CAPN12: variants seen among roughly 807,000 people sequenced by gnomAD.
The protein encoded by CAPN12 is calpain 12, also known as calpain-12.
CAPN12 carries 107 observed loss-of-function variants against 95.0 expected under a neutral mutation model. The ratio of observed to expected loss-of-function variants is 1.13; its 90% confidence interval spans 0.96 to 1.32. CAPN12 has a LOEUF of 1.32. Ranked by LOEUF, CAPN12 falls within the 40% of genes most tolerant of loss-of-function variation. CAPN12 has a pLI of 0.00. For missense variants in CAPN12, 1,136 were observed against 997.8 expected (o/e 1.14, Z -1.87); for synonymous variants, 505 against 415.5 (o/e 1.22, Z -2.62).
Position 38,730,789 on chromosome 19 carries a change from C to CTTG in CAPN12, c.*62_*63insCAA. On this transcript the variant is annotated 3_prime_UTR_variant, in exon 21 of 21. Coordinates refer to ENST00000328867, the MANE Select transcript of CAPN12 (RefSeq NM_144691.4). Reference sequence around the variant, plus strand: ...AGAGTGGCACCCATGCCAGGCAAGGCCTAGGGAGGTGGTCTTGCTCAGCAA... The same window carrying CTTG: ...AGAGTGGCACCCATGCCAGGCAAGGCTTGCTAGGGAGGTGGTCTTGCTCAGCAA... The CTTG allele has an allele frequency of 6.5e-7, 1 of 1,542,996 alleles. No individual in the cohort carries two copies. The highest frequency in any genetic ancestry group is 8.8e-7 in the Non-Finnish European group (1 of 1,141,472).
intron 4 of CAPN12, among the ~76,000 whole-genome samples, chr19:38,741,180 G>A (rs772969508): frequency 6.6e-6 from 1 of 152,110 alleles, no homozygotes; most frequent in Non-Finnish European, 1.5e-5. Flanking sequence ...GTGAATCCAG[G>A]GCCTGATATA....
chr19:38,742,810 C>CACT (rs1378087726), intron 2 of CAPN12, among the ~76,000 whole-genome samples: 3 of 126,624 alleles, frequency 2.4e-5, no homozygotes, highest in Non-Finnish European at 3.2e-5. Flanking sequence ...ATGATGGTGC[C>CACT]ACTGTATTCC....
chr19:38,740,265 C>T, intron 4 of CAPN12, 46 bp from the exon 5 acceptor site: 1 of 1,515,612 alleles, frequency 6.6e-7, no homozygotes, highest in Non-Finnish European at 8.9e-7. Context: ...GTACAAGCGT[C>T]TCAGGCACCC....
intron 18 of CAPN12, among the ~76,000 whole-genome samples, chr19:38,732,289 C>CT (rs962679713): frequency 2.1e-4 from 32 of 152,344 alleles, no homozygotes; most frequent in African/African-American, 7.5e-4. Flanking sequence ...TCTCCCAATC[C>CT]TTGGCTGTCT....
chr19:38,736,406 A>C, intron 11 of CAPN12, 88 bp from the exon 12 acceptor site: 1 of 1,504,888 alleles, frequency 6.6e-7, no homozygotes, highest in South Asian at 1.2e-5. Context: ...CACCCTGCCT[A>C]ACCCCTGTCC....
intron 17 of CAPN12, 144 bp from the exon 18 acceptor site, chr19:38,733,925 ACTT>A (rs1239493535): frequency 1.2e-6 from 1 of 803,548 alleles, no homozygotes; most frequent in Non-Finnish European, 2.0e-6. Flanking sequence ...GCCACTTGGG[ACTT>A]CTGTTTCCCA....
At chr19:38,733,969 C>T (rs1028325416) in intron 17 of CAPN12, 173 bp downstream of exon 17, 21 of 812,922 alleles carry the variant, frequency 2.6e-5, no homozygotes, top group East Asian at 2.7e-5. Context: ...AGCAATGACC[C>T]AGAGGACAAG....
intron 18 of CAPN12, among the ~76,000 whole-genome samples, chr19:38,731,742 C>A (rs898443962): frequency 6.6e-6 from 1 of 152,226 alleles, no homozygotes; most frequent in East Asian, 1.9e-4. Context: ...CTTTGTCTCC[C>A]ACACGGCCAG....
Position 38,743,064 on chromosome 19 carries a change from C to T in CAPN12, c.276G>A (p.Met92Ile), listed in dbSNP as rs199805595. The T allele has an allele frequency of 9.3e-5, 150 of 1,613,866 alleles. No homozygotes were observed. The highest frequency in any genetic ancestry group is 1.6e-4 in the Middle Eastern group (1 of 6,082). Reference protein sequence around the residue: ...CAEPKFICEDMSRTDVCQGSL... With the variant: ...CAEPKFICEDISRTDVCQGSL... ...TCCCCTGACACACGTCTGTGCGGCT[C>T]ATGTCTTCACAGATGAACTTCGGCT... Residue 92 changes from methionine to isoleucine, a missense_variant, in exon 2 of 21, where the codon ATG becomes ATA. Coordinates refer to ENST00000328867, the MANE Select transcript of CAPN12 (RefSeq NM_144691.4).
At chr19:38,733,916 C>T in intron 17 of CAPN12, 135 bp from the exon 18 acceptor site, 1 of 813,748 alleles carries the variant, frequency 1.2e-6, no homozygotes, top group African/African-American at 1.7e-5. Context: ...AGCAGCCTAG[C>T]CACTTGGGAC....
At chr19:38,735,016 A>G (rs1247104143) in intron 14 of CAPN12, 146 bp from the exon 15 acceptor site, 1 of 724,488 alleles carries the variant, frequency 1.4e-6, no homozygotes, top group Non-Finnish European at 2.3e-6. Flanking sequence ...CCACAGGGCC[A>G]GGGCTGTGAC....
chr19:38,734,064 G>C (rs1406543431), intron 17 of CAPN12, 78 bp downstream of exon 17: 1 of 1,510,298 alleles, frequency 6.6e-7, no homozygotes, highest in Non-Finnish European at 9.1e-7. Flanking sequence ...CTGGGGACCT[G>C]ATAGCCCACA....
chr19:38,734,590 G>A (rs1280390443), intron 15 of CAPN12: 3 of 655,876 alleles, frequency 4.6e-6, no homozygotes, highest in Non-Finnish European at 7.7e-6. Flanking sequence ...TGTGCTCAAG[G>A]CAGCCTTGCC....
Position 38,734,328 on chromosome 19 carries a change from C to G in CAPN12, c.1806G>C (p.Gln602His). 1.2e-6 allele frequency: 2 copies of G among 1,608,202 alleles called. No individual in the cohort carries two copies. Among genetic ancestry groups the G allele is most frequent in the African/African-American group, 2.7e-5 (2 of 74,956 alleles). ...IGLRTCEQLL[Q>H]CFGHGQSLAL... ...ACTGCCCCCCATGTACCCCGAAACA[C>G]TGCAGCAGCTGCTCACAGGTCCTGA... is the stretch of plus-strand genomic sequence containing the variant. Residue 602 changes from glutamine to histidine, a missense_variant, in exon 16 of 21, where the codon CAG (glutamine) becomes CAC (histidine). Physicochemically the swap from Gln to His is conservative, Grantham distance 24. Transcript: ENST00000328867.
At position 38,737,519 on chromosome 19, in the gene CAPN12, C is replaced by A. The variant is rs1467216693; in HGVS notation, c.1085G>T (p.Arg362Leu). Residue 362 changes from arginine to leucine, a missense_variant, in exon 9 of 21, where the codon CGC becomes CTC. Coordinates refer to ENST00000328867, the MANE Select transcript of CAPN12 (RefSeq NM_144691.4). ...GCCGGAGTTGAAGCCACGCACCCAG[C>A]GGCCTTGGAAGGTGTGGACGTGCCA... Reference protein sequence around the residue: ...GGWHVHTFQGRWVRGFNSGGS... With the variant: ...GGWHVHTFQGLWVRGFNSGGS... The A allele has an allele frequency of 1.9e-6, 3 of 1,612,696 alleles. No individual in the cohort carries two copies. Among genetic ancestry groups the A allele is most frequent in the South Asian group, 2.2e-5 (2 of 91,078 alleles).
rs995898046 is a variant in CAPN12, at chr19:38,742,353, A to C, written c.426+57T>G. The C allele has an allele frequency of 6.4e-6, 8 of 1,247,800 alleles. No individual in the cohort carries two copies. The Admixed American group carries it at 1.5e-4, about 23-fold the overall frequency. The allele number at this position is 1,247,800 out of a possible 1,614,324, so 77.3% of individuals were successfully genotyped here. On this transcript the variant is annotated intron_variant, in intron 3 of 20. Transcript: ENST00000328867. ...CAAAAAAAAAAAAAAAGAAAAATCC[A>C]TATCACCAAGTCACCATGGGGGAAA...
chr19:38,739,448 C>CAAAAAAAAAAAAA (rs34076220), intron 5 of CAPN12: 1 of 50,992 alleles, frequency 2.0e-5, no homozygotes, highest in Non-Finnish European at 3.5e-5. Context: ...GATTCCGTCT[C>CAAAAAAAAAAAAA]AAAAAAAAAA....
chr19:38,743,334 CG>C (rs1970675130), intron 1 of CAPN12, among the ~76,000 whole-genome samples: 45 of 133,484 alleles, frequency 3.4e-4, no homozygotes, highest in African/African-American at 8.5e-4. Flanking sequence ...GTCCATGTCC[CG>C]AGCCCCTCCT....
At position 38,736,467 on chromosome 19, in the gene CAPN12, T is replaced by TTGACCAAGCCCCAGGGCAGG. The variant is rs1568782106; in HGVS notation, c.1374+84_1374+85insCCTGCCCTGGGGCTTGGTCA. 1,485 of 1,423,268 alleles carry TTGACCAAGCCCCAGGGCAGG rather than the reference T, an allele frequency of 1.0e-3. 27 individuals carry two copies. Among genetic ancestry groups the TTGACCAAGCCCCAGGGCAGG allele is most frequent in the South Asian group, 7.4e-3 (594 of 80,230 alleles). 88.2% of individuals were successfully genotyped at this position (1,423,268 alleles called of 1,614,324 possible). A position where few individuals can be genotyped will look rare whatever the true frequency, so the allele number is the denominator to read the frequency against. ...CTCTGCCCCCCCACCCCCAGGGCAG[T>TTGACCAAGCCCCAGGGCAGG]TTGACCAAGCCCCAGGGCAGGTTGA... is the stretch of plus-strand genomic sequence containing the variant. On this transcript the variant is annotated intron_variant, in intron 11 of 20. Transcript: ENST00000328867.
Sources: gnomAD v4.1 joint callset for allele counts (sites outside exome capture counted in the v4.1 genomes callset) on GRCh38, gnomAD v4.1.1 for gene constraint, MANE v1.5 for transcripts, NCBI Gene and HGNC (gene_info 2026-07-23, HGNC 2026-07-21) for gene names.